HSPA2: variants seen among roughly 807,000 people sequenced by gnomAD.
The protein encoded by HSPA2 is heat shock protein family A (Hsp70) member 2, also known as heat shock-related 70 kDa protein 2.
HSPA2 carries 13 observed loss-of-function variants against 35.0 expected under a neutral mutation model. The observed-to-expected ratio is 0.37, with a 90% CI of 0.24 to 0.59. The LOEUF is 0.59. Among genes scored for constraint, HSPA2 ranks in the 20% least tolerant of loss-of-function variants. The pLI is 0.70. For missense variants in HSPA2, 565 were observed against 885.4 expected (o/e 0.64, Z 4.59); for synonymous variants, 368 against 382.1 (o/e 0.96, Z 0.43).
In HSPA2 at chr14:64,541,416, G is replaced by A. The variant is rs2080030195; in HGVS notation, c.567G>A (p.Lys189=). ...CCATCGCCTACGGCCTGGACAAGAA[G>A]GGCTGCGCGGGCGGCGAGAAGAACG... The part of the protein sequence containing the change: ...AAAIAYGLDK[K]GCAGGEKNVL... The change falls in exon 1 of 1, where the codon AAG becomes AAA. Residue 189 remains lysine (K), a synonymous_variant. Coordinates refer to ENST00000247207, the MANE Select transcript of HSPA2 (RefSeq NM_021979.4). 1.2e-6 allele frequency: 2 copies of A among 1,613,242 alleles called. No homozygotes were observed. Among genetic ancestry groups the A allele is most frequent in the Admixed American group, 3.3e-5 (2 of 59,990 alleles).
At chr14:64,536,090 G>A (rs951835587), upstream of HSPA2, 1 of 152,084 alleles carries the variant, frequency 6.6e-6, no homozygotes, top group Non-Finnish European at 1.5e-5. Flanking sequence ...AAAATCAATT[G>A]TAAAAGCACA....
chr14:64,537,239 AAAAACAAAGAAAAG>A (rs2079986303), upstream of HSPA2, among the ~76,000 whole-genome samples: 1 of 152,190 alleles, frequency 6.6e-6, no homozygotes, highest in African/African-American at 2.4e-5. Context: ...CCTTTTCTAA[AAAAACAAAGAAAAG>A]AAAAGAAAGA....
At chr14:64,540,505 G>A (rs45557336), upstream of HSPA2, 2 of 284,128 alleles carry the variant, frequency 7.0e-6, no homozygotes, top group Non-Finnish European at 1.3e-5. Flanking sequence ...ACGGCCTGGC[G>A]GCCGAGAGTC....
Position 64,542,204 on chromosome 14 carries a change from T to A in HSPA2, c.1355T>A (p.Met452Lys), listed in dbSNP as rs1161533955. The A allele has an allele frequency of 6.2e-7, 1 of 1,613,836 alleles. No homozygotes were observed. Among genetic ancestry groups the A allele is most frequent in the Admixed American group, 1.7e-5 (1 of 59,998 alleles). Residue 452 changes from methionine to lysine, a missense_variant, in exon 1 of 1, where the codon ATG becomes AAG. Around this residue, in one of 4 missense-constraint regions of HSPA2, gnomAD observed 234 missense variants for 419.0 expected, o/e 0.56. Transcript: ENST00000247207. This position sits in a 1 kb window ranked among gnomAD's most constrained non-coding sequence, Gnocchi z 5.7. ...CAGGTATACGAGGGCGAACGGGCCA[T>A]GACCAAGGACAATAACCTGCTGGGC... ...LVQVYEGERA[M>K]TKDNNLLGKF...
In HSPA2 at chr14:64,542,699, G is replaced by C; in HGVS notation, c.1850G>C (p.Gly617Ala). 1.2e-6 allele frequency: 2 copies of C among 1,614,056 alleles called. No homozygotes were observed. The highest frequency in any genetic ancestry group is 1.7e-6 in the Non-Finnish European group (2 of 1,180,018). Residue 617 changes from glycine (G) to alanine (A), a missense_variant, in exon 1 of 1, where the codon GGT becomes GCT. Physicochemically the swap from Gly to Ala is moderately conservative, Grantham distance 60 (BLOSUM62 0). Coordinates refer to ENST00000247207, the MANE Select transcript of HSPA2 (RefSeq NM_021979.4). This position sits in a 1 kb window ranked among gnomAD's most constrained non-coding sequence, Gnocchi z 5.7. ...NPIISKLYQG[G>A]PGGGSGGGGS... Reference sequence around the variant, plus strand: ...ATCATCAGCAAACTTTACCAAGGTGGTCCTGGCGGCGGCAGCGGCGGCGGC... The same window carrying C: ...ATCATCAGCAAACTTTACCAAGGTGCTCCTGGCGGCGGCAGCGGCGGCGGC...
At chr14:64,539,127 C>T (rs1566641811), upstream of HSPA2, among the ~76,000 whole-genome samples, 1 of 152,102 alleles carries the variant, frequency 6.6e-6, no homozygotes, top group Non-Finnish European at 1.5e-5. Flanking sequence ...TATATGGGAG[C>T]CTGCTTCTAA....
upstream of HSPA2, among the ~76,000 whole-genome samples, chr14:64,536,286 C>T (rs867687481): frequency 8.5e-5 from 13 of 152,234 alleles, no homozygotes; most frequent in African/African-American, 3.1e-4. Context: ...TTTACGGCTG[C>T]GTAAGAATTC....
chr14:64,541,313 A>T lies in HSPA2; in HGVS notation c.464A>T (p.Gln155Leu). 1 of 1,613,742 alleles carries T rather than the reference A, an allele frequency of 6.2e-7. No individual in the cohort carries two copies. The highest frequency in any genetic ancestry group is 8.5e-7 in the Non-Finnish European group (1 of 1,180,036). Residue 155 changes from glutamine to leucine, a missense_variant, in exon 1 of 1, where the codon CAG (glutamine) becomes CTG (leucine). Transcript: ENST00000247207. ...GTCCCGGCCTATTTCAACGACTCGC[A>T]GCGCCAGGCCACCAAGGACGCAGGC... ...ITVPAYFNDS[Q>L]RQATKDAGTI... is the part of the protein sequence containing the mutation.
At chr14:64,538,184 T>C (rs1009688535), upstream of HSPA2, among the ~76,000 whole-genome samples, 2 of 152,206 alleles carry the variant, frequency 1.3e-5, no homozygotes, top group Non-Finnish European at 2.9e-5. Context: ...CACCACTAGA[T>C]AAAATAATCT....
chr14:64,536,553 G>T (rs528336267), upstream of HSPA2, among the ~76,000 whole-genome samples: 4 of 152,264 alleles, frequency 2.6e-5, no homozygotes, highest in East Asian at 7.7e-4. Flanking sequence ...TTGAGCTAAG[G>T]AGTTCGAGAC....
chr14:64,542,398 G>C lies in HSPA2; in HGVS notation c.1549G>C (p.Asp517His). ...TNDKGRLSKD[D>H]IDRMVQEAER... ...TGACAAAGGTCGTCTGAGCAAGGAC[G>C]ACATTGACCGGATGGTGCAGGAGGC... Residue 517 changes from aspartate (D) to histidine (H), a missense_variant, in exon 1 of 1, where the codon GAC becomes CAC. Coordinates refer to ENST00000247207, the MANE Select transcript of HSPA2 (RefSeq NM_021979.4). This position sits in a 1 kb window ranked among gnomAD's most constrained non-coding sequence, Gnocchi z 5.7. The C allele has an allele frequency of 1.9e-6, 3 of 1,613,810 alleles. No homozygotes were observed. Among genetic ancestry groups the C allele is most frequent in the Non-Finnish European group, 2.5e-6 (3 of 1,179,926 alleles).
At position 64,542,425 on chromosome 14, in the gene HSPA2, G is replaced by C; in HGVS notation, c.1576G>C (p.Glu526Gln). 6.2e-7 allele frequency: 1 copy of C among 1,613,954 alleles called. No individual in the cohort carries two copies. Among genetic ancestry groups the C allele is most frequent in the Non-Finnish European group, 8.5e-7 (1 of 1,180,026 alleles). ...CATTGACCGGATGGTGCAGGAGGCG[G>C]AGCGGTACAAATCGGAAGATGAGGC... ...DDIDRMVQEA[E>Q]RYKSEDEANR... is the part of the protein sequence containing the mutation. The change falls in exon 1 of 1, where the codon GAG becomes CAG. Residue 526 changes from glutamate (E) to glutamine (Q), a missense_variant. By Grantham distance (29) the Glu-to-Gln change is conservative (BLOSUM62 2). Coordinates refer to ENST00000247207, the MANE Select transcript of HSPA2 (RefSeq NM_021979.4). This position sits in a 1 kb window ranked among gnomAD's most constrained non-coding sequence, Gnocchi z 5.7.
Position 64,541,858 on chromosome 14 carries a change from A to T in HSPA2, c.1009A>T (p.Ile337Phe). The T allele has an allele frequency of 6.2e-7, 1 of 1,613,544 alleles. No homozygotes were observed. Among genetic ancestry groups the T allele is most frequent in the Non-Finnish European group, 8.5e-7 (1 of 1,180,016 alleles). The stretch of plus-strand genomic sequence containing the variant: ...GCTGGACAAGGGCCAGATCCAGGAG[A>T]TCGTGCTGGTGGGCGGCTCCACTCG... ...AKLDKGQIQE[I>F]VLVGGSTRIP... Residue 337 changes from isoleucine to phenylalanine, a missense_variant, in exon 1 of 1, where the codon ATC becomes TTC. Around this residue, in one of 4 missense-constraint regions of HSPA2, gnomAD observed 234 missense variants for 419.0 expected, o/e 0.56. Coordinates refer to ENST00000247207, the MANE Select transcript of HSPA2 (RefSeq NM_021979.4).
Position 64,541,922 on chromosome 14 carries a change from A to T in HSPA2, c.1073A>T (p.Asn358Ile), listed in dbSNP as rs560610106. Residue 358 changes from asparagine (N) to isoleucine (I), a missense_variant, in exon 1 of 1, where the codon AAC (asparagine) becomes ATC (isoleucine). Around this residue, in one of 4 missense-constraint regions of HSPA2, gnomAD observed 234 missense variants for 419.0 expected, o/e 0.56. Transcript: ENST00000247207. ...CAGAAGCTGCTGCAGGATTTCTTCA[A>T]CGGCAAGGAGCTGAACAAGAGCATC... ...KIQKLLQDFF[N>I]GKELNKSINP... The T allele has an allele frequency of 1.9e-6, 3 of 1,613,588 alleles. No individual in the cohort carries two copies. Among genetic ancestry groups the T allele is most frequent in the South Asian group, 2.2e-5 (2 of 91,090 alleles).
At chr14:64,539,737 A>G (rs2080008800), upstream of HSPA2, among the ~76,000 whole-genome samples, 1 of 151,970 alleles carries the variant, frequency 6.6e-6, no homozygotes, top group Non-Finnish European at 1.5e-5. Flanking sequence ...GCTGGAGTGT[A>G]GTGGCGTGAT....
chr14:64,540,513 G>A (rs772693832), upstream of HSPA2: 5 of 311,438 alleles, frequency 1.6e-5, no homozygotes, highest in African/African-American at 8.7e-5. Flanking sequence ...GCGGCCGAGA[G>A]TCAGGGAGGA....
At chr14:64,540,401 G>A (rs2080017039), upstream of HSPA2, 1 of 218,240 alleles carries the variant, frequency 4.6e-6, no homozygotes, top group Non-Finnish European at 9.3e-6. Context: ...TCCGATGCAC[G>A]TCGGCTAGGG....
Position 64,542,907 on chromosome 14 carries a change from T to C in HSPA2, c.*138T>C. On this transcript the variant is annotated 3_prime_UTR_variant, in exon 1 of 1. Transcript: ENST00000247207. The surrounding 1 kb of genome is among the most constrained non-coding windows in gnomAD (Gnocchi z 5.7). ...TGGTATATGCAAATGAAAGGAGAGGTGCAACAACTTAGTTTAATTATAAAA... is the reference window on the plus strand; with the variant it reads ...TGGTATATGCAAATGAAAGGAGAGGCGCAACAACTTAGTTTAATTATAAAA... 7.7e-7 allele frequency: 1 copy of C among 1,306,282 alleles called. No homozygotes were observed. Among genetic ancestry groups the C allele is most frequent in the Non-Finnish European group, 1.0e-6 (1 of 971,650 alleles). 80.9% of individuals were successfully genotyped at this position (1,306,282 alleles called of 1,614,324 possible).
upstream of HSPA2, among the ~76,000 whole-genome samples, chr14:64,538,483 AT>A (rs2079996351): frequency 6.6e-6 from 1 of 152,206 alleles, no homozygotes; most frequent in Non-Finnish European, 1.5e-5. Flanking sequence ...TCCAGCAAAC[AT>A]TGCTCTCATC....
Sources: allele counts gnomAD v4.1 joint callset (sites outside exome capture counted in the v4.1 genomes callset), GRCh38; gene constraint gnomAD v4.1.1; regional missense constraint gnomAD v4.1.1; non-coding constraint Gnocchi (gnomAD v3.1); transcripts MANE v1.5; gene names NCBI Gene and HGNC (gene_info 2026-07-23, HGNC 2026-07-21).